CORO2B: variants seen among roughly 807,000 people sequenced by gnomAD.
CORO2B encodes coronin-2B.
Under a neutral mutation model 58.8 loss-of-function variants are expected in CORO2B, and 26 were observed. The ratio of observed to expected loss-of-function variants is 0.44; its 90% CI spans 0.32 to 0.61. The LOEUF (loss-of-function observed/expected upper bound fraction) is 0.61. Among genes scored for constraint, CORO2B ranks in the 20% least tolerant of loss-of-function variants. CORO2B has a pLI of 0.04. For missense variants in CORO2B, 460 were observed against 645.1 expected (o/e 0.71, Z 3.11); for synonymous variants, 242 against 253.8 (o/e 0.95, Z 0.44).
intron 2 of CORO2B, among the ~76,000 whole-genome samples, chr15:68,656,153 C>T (rs1901795429): frequency 8.2e-6 from 1 of 122,428 alleles, no homozygotes; most frequent in Non-Finnish European, 1.7e-5. Flanking sequence ...CACCCCTCCC[C>T]CTCCCCCTCG....
chr15:68,690,549 C>T (rs1028830293), intron 2 of CORO2B, among the ~76,000 whole-genome samples: 2 of 151,534 alleles, frequency 1.3e-5, no homozygotes, highest in African/African-American at 4.8e-5. Context: ...CAGCATAGCA[C>T]AATTCTTGCT....
chr15:68,684,119 C>G (rs928013840), intron 2 of CORO2B, among the ~76,000 whole-genome samples: 22 of 152,108 alleles, frequency 1.4e-4, no homozygotes, highest in Non-Finnish European at 3.2e-4. Context: ...AGGAGATAAA[C>G]CAGTGGGCCC....
At chr15:68,570,312 A>T in the CORO2B span, among the ~76,000 whole-genome samples, 34 of 152,332 alleles carry the variant, frequency 2.2e-4, no homozygotes, top group African/African-American at 8.2e-4. Context: ...TTGCATGTAA[A>T]CACAGCAGTT....
chr15:68,720,491 TAC>T (rs1247259492), intron 11 of CORO2B, among the ~76,000 whole-genome samples: 1 of 152,220 alleles, frequency 6.6e-6, no homozygotes, highest in Non-Finnish European at 1.5e-5. Flanking sequence ...CTCATGAGGG[TAC>T]AGTTACACTG....
At chr15:68,664,866 T>C (rs1283555364) in intron 2 of CORO2B, among the ~76,000 whole-genome samples, 1 of 152,208 alleles carries the variant, frequency 6.6e-6, no homozygotes, top group Non-Finnish European at 1.5e-5. Context: ...TATAGGGTCT[T>C]TGATTAATTT....
At chr15:68,569,981 G>GAT in the CORO2B span, among the ~76,000 whole-genome samples, 12 of 152,328 alleles carry the variant, frequency 7.9e-5, no homozygotes, top group African/African-American at 2.9e-4. Flanking sequence ...ATTGGTCAGT[G>GAT]GGGTCTGTGG....
chr15:68,655,561 G>C (rs1901777813), intron 2 of CORO2B, among the ~76,000 whole-genome samples: 1 of 152,170 alleles, frequency 6.6e-6, no homozygotes, highest in Admixed American at 6.5e-5. Flanking sequence ...GACACCCTCT[G>C]GCCCCCTTCC....
intron 11 of CORO2B, among the ~76,000 whole-genome samples, chr15:68,724,980 A>G (rs942944067): frequency 3.9e-5 from 6 of 152,184 alleles, no homozygotes; most frequent in African/African-American, 1.4e-4. Context: ...TATTCTTGTC[A>G]TAGTTCCTCA....
the CORO2B span, among the ~76,000 whole-genome samples, chr15:68,557,170 C>T: frequency 6.6e-6 from 1 of 152,236 alleles, no homozygotes; most frequent in Non-Finnish European, 1.5e-5. Flanking sequence ...TGACCCTGCC[C>T]TGCCTGCACT....
chr15:68,686,161 C>T (rs141812404), intron 2 of CORO2B, among the ~76,000 whole-genome samples: 5 of 151,846 alleles, frequency 3.3e-5, no homozygotes, highest in Admixed American at 6.6e-5. Context: ...CTCAGCCTCC[C>T]GAGTAGCTGG....
At chr15:68,631,989 C>T (rs1024150613) in intron 1 of CORO2B, 13 of 985,358 alleles carry the variant, frequency 1.3e-5, no homozygotes, top group African/African-American at 1.7e-5. Context: ...TTGCTAGCAA[C>T]AGATTCTGTT....
At chr15:68,724,386 T>G (rs1893241886) in intron 11 of CORO2B, among the ~76,000 whole-genome samples, 1 of 152,236 alleles carries the variant, frequency 6.6e-6, no homozygotes, top group East Asian at 1.9e-4. Context: ...AAAAATAATT[T>G]AAAGTTCATC....
chr15:68,662,601 A>G (rs1272760996), intron 2 of CORO2B, among the ~76,000 whole-genome samples: 1 of 152,264 alleles, frequency 6.6e-6, no homozygotes, highest in Non-Finnish European at 1.5e-5. Flanking sequence ...TGAATCATAT[A>G]CATGGAGATG....
intron 1 of CORO2B, chr15:68,641,367 C>T (rs1901219894): frequency 1.0e-5 from 2 of 200,790 alleles, no homozygotes; most frequent in Non-Finnish European, 8.9e-6. Flanking sequence ...ACAAGTGTGC[C>T]CACCAGAGCC....
chr15:68,539,819 T>C, the CORO2B span, among the ~76,000 whole-genome samples: 11 of 152,336 alleles, frequency 7.2e-5, no homozygotes, highest in Admixed American at 1.3e-4. Flanking sequence ...ACAAAAGTAA[T>C]AGAATGAGTG....
At position 68,650,440 on chromosome 15, in the gene CORO2B, C is replaced by T. The variant is rs369370534; in HGVS notation, c.216+5080C>T. 3.5e-4 allele frequency among the ~76,000 whole-genome samples: 51 copies of T among 147,736 alleles called. No homozygotes were observed. The South Asian group carries it at 0.01, about 30-fold the overall frequency. On this transcript the variant is annotated intron_variant, in intron 2 of 11. Transcript: ENST00000261861. ...TTCCTGGCCAACATGGTGAAACCCC[C>T]GTCTCCACTAAAAATACAAAACTTG...
At position 68,662,296 on chromosome 15, in the gene CORO2B, G is replaced by A. The variant is rs897302482; in HGVS notation, c.216+16936G>A. Among the ~76,000 whole-genome samples the A allele has an allele frequency of 1.4e-4, 22 of 152,080 alleles. 1 individual carries two copies. Among genetic ancestry groups the A allele is most frequent in the Non-Finnish European group, 2.8e-4 (19 of 68,026 alleles). ...TCCGGAATCATATTAGAATCTATAG[G>A]TTATACCTTTCTTATAGTAATCCTG... On this transcript the variant is annotated intron_variant, in intron 2 of 11. Coordinates refer to ENST00000261861, the MANE Select transcript of CORO2B (RefSeq NM_006091.5).
chr15:68,706,330 C>T (rs562689304), intron 3 of CORO2B, among the ~76,000 whole-genome samples: 3 of 152,138 alleles, frequency 2.0e-5, no homozygotes, highest in South Asian at 4.2e-4. Flanking sequence ...CTCCCACCCT[C>T]GTCCCCCTAA....
intron 2 of CORO2B, among the ~76,000 whole-genome samples, chr15:68,677,353 A>G (rs1217787436): frequency 6.6e-6 from 1 of 152,236 alleles, no homozygotes; most frequent in African/African-American, 2.4e-5. Context: ...CCCATTGTAC[A>G]GATGATACAG....
Sources: gnomAD v4.1 joint callset for allele counts (sites outside exome capture counted in the v4.1 genomes callset) on GRCh38, gnomAD v4.1.1 for gene constraint, MANE v1.5 for transcripts, NCBI Gene and HGNC (gene_info 2026-07-23, HGNC 2026-07-21) for gene names.